DPH6: variants seen among roughly 807,000 people sequenced by gnomAD.
DPH6 encodes the protein diphthine--ammonia ligase.
In DPH6, 33 loss-of-function variants were observed where a neutral mutation model predicts 38.2. The observed-to-expected ratio is 0.86, with a 90% CI of 0.65 to 1.15. The LOEUF is 1.15. Among genes scored for constraint, DPH6 ranks in the 50% most tolerant of loss-of-function variants. The pLI is 0.00. For synonymous variants in DPH6, 108 were observed against 103.0 expected (o/e 1.05, Z -0.30); for missense variants, 325 against 320.0 (o/e 1.02, Z -0.12).
chr15:35,158,541 T>G, the DPH6 span, among the ~76,000 whole-genome samples: 1 of 152,082 alleles, frequency 6.6e-6, no homozygotes, highest in Non-Finnish European at 1.5e-5. Flanking sequence ...CAGCTTATGC[T>G]GTTATATATT....
chr15:35,161,067 C>G, the DPH6 span, among the ~76,000 whole-genome samples: 1 of 151,816 alleles, frequency 6.6e-6, no homozygotes, highest in Non-Finnish European at 1.5e-5. Flanking sequence ...GTGCAGCACA[C>G]CAACATGGCA....
At chr15:35,531,085 T>C (rs557632047) in intron 3 of DPH6, among the ~76,000 whole-genome samples, 9 of 152,220 alleles carry the variant, frequency 5.9e-5, no homozygotes, top group Non-Finnish European at 1.2e-4. Context: ...CCTGAAAATC[T>C]TAAGTCCATC....
At chr15:35,354,395 C>A (rs2052541820) in intron 3 of DPH6, among the ~76,000 whole-genome samples, 1 of 152,120 alleles carries the variant, frequency 6.6e-6, no homozygotes, top group Non-Finnish European at 1.5e-5. Context: ...TTTGCCCATT[C>A]AGTATGATAT....
chr15:35,540,970 CTT>C lies in DPH6; in HGVS notation c.118+1441_118+1442del, dbSNP rs751825040. On this transcript the variant is annotated intron_variant, in intron 2 of 8. Coordinates refer to ENST00000256538, the MANE Select transcript of DPH6 (RefSeq NM_080650.4). Reference sequence around the variant, plus strand: ...CCACAAGGGATAAGGGAGTTTCTCTCTTTTGGTAAACCTAACAGGAGATTCTG... The same window carrying C: ...CCACAAGGGATAAGGGAGTTTCTCTCTTGGTAAACCTAACAGGAGATTCTG... 1.2e-4 allele frequency among the ~76,000 whole-genome samples: 19 copies of C among 152,222 alleles called. 1 individual carries two copies. Among genetic ancestry groups the C allele is most frequent in the Admixed American group, 8.5e-4 (13 of 15,274 alleles).
chr15:35,304,596 T>A (rs1246598663), intron 3 of DPH6, among the ~76,000 whole-genome samples: 3 of 152,116 alleles, frequency 2.0e-5, no homozygotes, highest in African/African-American at 4.8e-5. Flanking sequence ...TATCAATTCA[T>A]CTCTATGTGT....
chr15:35,171,249 G>A, the DPH6 span, among the ~76,000 whole-genome samples: 4 of 152,218 alleles, frequency 2.6e-5, no homozygotes, highest in East Asian at 5.8e-4. Context: ...CTTGGTTGCA[G>A]CATCTCTGGG....
intron 3 of DPH6, among the ~76,000 whole-genome samples, chr15:35,503,326 T>A (rs1369956101): frequency 6.6e-6 from 1 of 152,054 alleles, no homozygotes; most frequent in Non-Finnish European, 1.5e-5. Flanking sequence ...GACCATCCCC[T>A]TTTCACATTT....
intron 1 of DPH6, among the ~76,000 whole-genome samples, chr15:35,542,938 C>G (rs1239772075): frequency 6.6e-5 from 1 of 15,040 alleles, no homozygotes; most frequent in Non-Finnish European, 1.3e-4. Flanking sequence ...TATTATTCCA[C>G]TTAAGGAATA....
intron 3 of DPH6, among the ~76,000 whole-genome samples, chr15:35,268,744 A>G (rs1389946904): frequency 2.0e-5 from 3 of 149,534 alleles, no homozygotes; most frequent in Non-Finnish European, 4.4e-5. Flanking sequence ...GGTATAAAAA[A>G]TGGAAAAAAA....
chr15:35,189,894 C>T, the DPH6 span, among the ~76,000 whole-genome samples: 1 of 152,266 alleles, frequency 6.6e-6, no homozygotes, highest in East Asian at 1.9e-4. Flanking sequence ...ACTTAGGAAG[C>T]AGACATTGTC....
intron 5 of DPH6, among the ~76,000 whole-genome samples, chr15:35,427,281 A>G (rs982825384): frequency 6.6e-6 from 1 of 151,992 alleles, no homozygotes; most frequent in African/African-American, 2.4e-5. Flanking sequence ...CTAGGAGGAA[A>G]TAATAGAGCA....
chr15:35,518,461 A>AT (rs2054877501), intron 3 of DPH6, among the ~76,000 whole-genome samples: 1 of 152,026 alleles, frequency 6.6e-6, no homozygotes, highest in Admixed American at 6.6e-5. Context: ...CAGATACACT[A>AT]AAGGGGAAAA....
rs569884135 is a variant in DPH6, at chr15:35,340,925, T to C, written n.208-9848A>G. On this transcript the variant is annotated intron_variant and non_coding_transcript_variant, in intron 3 of 3. Transcript: ENST00000558973. ...TTTCCTGAATTTGAATGTTGGCCTGTCTTACTAGGTTGGGGAAGTTCTCCT... is the reference window on the plus strand; with the variant it reads ...TTTCCTGAATTTGAATGTTGGCCTGCCTTACTAGGTTGGGGAAGTTCTCCT... Among the ~76,000 whole-genome samples the C allele has an allele frequency of 2.2e-4, 34 of 152,276 alleles. 1 individual carries two copies. Among genetic ancestry groups the C allele is most frequent in the Admixed American group, 2.2e-3 (34 of 15,280 alleles).
chr15:35,362,268 G>A (rs943700074), intron 3 of DPH6, among the ~76,000 whole-genome samples: 22 of 152,010 alleles, frequency 1.4e-4, no homozygotes, highest in South Asian at 4.2e-4. Flanking sequence ...AGGTTCTCTG[G>A]AACCATTACA....
intron 3 of DPH6, among the ~76,000 whole-genome samples, chr15:35,354,767 C>A (rs988828899): frequency 9.9e-5 from 15 of 152,044 alleles, no homozygotes; most frequent in Non-Finnish European, 1.3e-4. Flanking sequence ...TCTCTGCAGG[C>A]TTTGCTATCA....
intron 4 of DPH6, among the ~76,000 whole-genome samples, chr15:35,451,800 G>T (rs1253538658): frequency 6.6e-6 from 1 of 152,116 alleles, no homozygotes; most frequent in African/African-American, 2.4e-5. Flanking sequence ...CACGAGGTCA[G>T]GAAATCGAGA....
At chr15:35,483,135 T>C (rs906805036) in intron 3 of DPH6, among the ~76,000 whole-genome samples, 4 of 152,042 alleles carry the variant, frequency 2.6e-5, no homozygotes, top group African/African-American at 9.7e-5. Flanking sequence ...TATAAAAAGA[T>C]ACTCAGCATC....
At chr15:35,262,523 G>A (rs554211780) in intron 3 of DPH6, among the ~76,000 whole-genome samples, 1 of 152,024 alleles carries the variant, frequency 6.6e-6, no homozygotes, top group African/African-American at 2.4e-5. Flanking sequence ...TGGCTAACAC[G>A]GTGAAACCCC....
chr15:35,188,546 C>G, the DPH6 span, among the ~76,000 whole-genome samples: 1 of 152,150 alleles, frequency 6.6e-6, no homozygotes, highest in African/African-American at 2.4e-5. Flanking sequence ...ACTTGACTTC[C>G]TTTCATTCCT....
Sources: gnomAD v4.1 joint callset for allele counts (sites outside exome capture counted in the v4.1 genomes callset) on GRCh38, gnomAD v4.1.1 for gene constraint, MANE v1.5 for transcripts, NCBI Gene and HGNC (gene_info 2026-07-23, HGNC 2026-07-21) for gene names.